Variants in GABRB1 observed in about 807,000 individuals in gnomAD.
GABRB1 encodes gamma-aminobutyric acid type A receptor subunit beta1.
Under a neutral mutation model 51.6 loss-of-function variants are expected in GABRB1, and 17 were observed. The ratio of observed to expected loss-of-function variants is 0.33; its 90% CI spans 0.23 to 0.49. The LOEUF (loss-of-function observed/expected upper bound fraction) is 0.49, where lower values mean the gene tolerates loss of function less well. GABRB1 is among the 20% of genes least tolerant of loss of function. The probability of loss-of-function intolerance (pLI) is 0.99; values close to 1 mark genes in which losing one functional copy is unlikely to be tolerated. For synonymous variants in GABRB1, 247 were observed against 218.9 expected, an observed-to-expected ratio of 1.13 and a Z score of -1.14; for missense variants, 410 against 600.6, an observed-to-expected ratio of 0.68 and a Z score of 3.32.
intron 4 of GABRB1, among the ~76,000 whole-genome samples, chr4:47,243,433 G>C (rs1454346675): frequency 6.6e-6 from 1 of 152,168 alleles, no homozygotes; most frequent in Non-Finnish European, 1.5e-5. Flanking sequence ...GAAAGTCATT[G>C]GTAGCTTGAT....
At chr4:47,213,649 G>C (rs923486984) in intron 4 of GABRB1, among the ~76,000 whole-genome samples, 32 of 151,328 alleles carry the variant, frequency 2.1e-4, no homozygotes, top group Admixed American at 2.6e-4. Context: ...TTTTTCTTTT[G>C]CTTCATGGTA....
At chr4:47,381,036 G>A (rs1427526824) in intron 5 of GABRB1, among the ~76,000 whole-genome samples, 1 of 152,104 alleles carries the variant, frequency 6.6e-6, no homozygotes, top group Non-Finnish European at 1.5e-5. Flanking sequence ...TTGATAGAGG[G>A]CTCAGATAGC....
At chr4:47,117,431 A>G (rs1238793265) in intron 3 of GABRB1, among the ~76,000 whole-genome samples, 1 of 152,096 alleles carries the variant, frequency 6.6e-6, no homozygotes, top group Non-Finnish European at 1.5e-5. Flanking sequence ...TGGGTGAACC[A>G]TTTGTTTAGA....
At chr4:47,296,482 T>G (rs1243306722) in intron 4 of GABRB1, among the ~76,000 whole-genome samples, 1 of 152,082 alleles carries the variant, frequency 6.6e-6, no homozygotes, top group African/African-American at 2.4e-5. Flanking sequence ...AAACAGACTT[T>G]AAACCAACAA....
intron 4 of GABRB1, among the ~76,000 whole-genome samples, chr4:47,247,531 G>T (rs916516995): frequency 4.6e-5 from 7 of 151,966 alleles, no homozygotes; most frequent in Non-Finnish European, 8.8e-5. Context: ...ATGAGTTTTA[G>T]AATTGTTTTT....
intron 4 of GABRB1, among the ~76,000 whole-genome samples, chr4:47,241,778 C>T (rs1721531552): frequency 1.3e-5 from 2 of 152,130 alleles, no homozygotes; most frequent in African/African-American, 4.8e-5. Context: ...ATGCAGGGGA[C>T]ATAAATTATA....
chr4:47,103,582 A>C (rs1012513821), intron 3 of GABRB1, among the ~76,000 whole-genome samples: 1 of 151,994 alleles, frequency 6.6e-6, no homozygotes, highest in African/African-American at 2.4e-5. Flanking sequence ...TATTCAATGA[A>C]CGTTTAGATT....
intron 4 of GABRB1, among the ~76,000 whole-genome samples, chr4:47,261,496 G>A (rs575835446): frequency 6.6e-6 from 1 of 152,102 alleles, no homozygotes; most frequent in Non-Finnish European, 1.5e-5. Flanking sequence ...GGACAGGAAG[G>A]ACCTCTTCAA....
chr4:47,055,581 A>G (rs1006920588), intron 3 of GABRB1, among the ~76,000 whole-genome samples: 14 of 152,210 alleles, frequency 9.2e-5, no homozygotes, highest in African/African-American at 3.4e-4. Context: ...AGATCCCACC[A>G]TAGCAGAGAT....
At chr4:47,402,128 G>A (rs1023935668) in intron 5 of GABRB1, among the ~76,000 whole-genome samples, 4 of 152,306 alleles carry the variant, frequency 2.6e-5, no homozygotes, top group Admixed American at 6.5e-5. Context: ...TTTAAAAGCG[G>A]GGAAGGGAGT....
chr4:47,296,301 GAC>G lies in GABRB1; in HGVS notation c.462-23822_462-23821del, dbSNP rs1488530148. The stretch of plus-strand genomic sequence containing the variant: ...AATGAGCTAAATGCTCCAATTAGAA[GAC>G]ACAGACTGGCAAATTGGATAAAGAG... On this transcript the variant is annotated intron_variant, in intron 4 of 8. Transcript: ENST00000295454. 3.9e-5 allele frequency among the ~76,000 whole-genome samples: 6 copies of G among 152,264 alleles called. No homozygotes were observed. In the East Asian group the frequency reaches 1.2e-3, roughly 29 times the overall value.
intron 3 of GABRB1, among the ~76,000 whole-genome samples, chr4:47,118,926 G>T (rs1255931887): frequency 6.6e-6 from 1 of 152,060 alleles, no homozygotes; most frequent in Non-Finnish European, 1.5e-5. Context: ...AAAAGAGAGG[G>T]TTAATTAAAA....
chr4:47,088,185 T>A (rs537729178), intron 3 of GABRB1, among the ~76,000 whole-genome samples: 5 of 152,316 alleles, frequency 3.3e-5, no homozygotes, highest in Non-Finnish European at 7.3e-5. Context: ...TTAGAATTCA[T>A]TTGACAAACA....
upstream of GABRB1, among the ~76,000 whole-genome samples, chr4:47,028,762 A>C (rs1725183218): frequency 6.7e-6 from 1 of 149,820 alleles, no homozygotes; most frequent in Non-Finnish European, 1.5e-5. Flanking sequence ...ACACACCCCG[A>C]CACATACATA....
Position 47,032,128 on chromosome 4 carries a change from G to GCACACA in GABRB1, c.172+151_172+156dup, listed in dbSNP as rs72109821. The GCACACA allele has an allele frequency of 5.7e-3, 3,293 of 582,664 alleles. 34 individuals carry two copies. Among genetic ancestry groups the GCACACA allele is most frequent in the African/African-American group, 0.025 (1,278 of 50,374 alleles). The allele number at this position is 582,664 out of a possible 1,614,324, so 36.1% of individuals were successfully genotyped here. A position where few individuals can be genotyped will look rare whatever the true frequency, so the allele number is the denominator to read the frequency against. On this transcript the variant is annotated intron_variant, in intron 2 of 8. Coordinates refer to ENST00000295454, the MANE Select transcript of GABRB1 (RefSeq NM_000812.4). ...TTCGTAAGCGTGCACTATACCCTGG[G>GCACACA]CACACACACACACACACACACACAC...
intron 5 of GABRB1, among the ~76,000 whole-genome samples, chr4:47,344,155 T>A (rs147703319): frequency 6.6e-6 from 1 of 152,328 alleles, no homozygotes; most frequent in East Asian, 1.9e-4. Flanking sequence ...TGTCTTCTAA[T>A]TCTGGATATG....
At chr4:47,055,654 A>G (rs754145372) in intron 3 of GABRB1, among the ~76,000 whole-genome samples, 1 of 152,096 alleles carries the variant, frequency 6.6e-6, no homozygotes, top group African/African-American at 2.4e-5. Context: ...CTAGGGCCCA[A>G]ATGGACCCAT....
At chr4:47,300,011 G>A (rs541580821) in intron 4 of GABRB1, among the ~76,000 whole-genome samples, 1 of 147,172 alleles carries the variant, frequency 6.8e-6, no homozygotes, top group Non-Finnish European at 1.5e-5. Context: ...AACACCACAT[G>A]TTCTCACTCA....
intron 4 of GABRB1, among the ~76,000 whole-genome samples, chr4:47,231,030 A>T (rs1222335357): frequency 1.3e-5 from 2 of 152,278 alleles, no homozygotes; most frequent in African/African-American, 4.8e-5. Flanking sequence ...CTAGTTCAGT[A>T]AGAAAACAGA....
Sources: gnomAD v4.1 joint callset for allele counts (sites outside exome capture counted in the v4.1 genomes callset) on GRCh38, gnomAD v4.1.1 for gene constraint, MANE v1.5 for transcripts, NCBI Gene and HGNC (gene_info 2026-07-23, HGNC 2026-07-21) for gene names.